The following SYCP2 variants were observed in gnomAD, a reference collection of about 807,000 sequenced individuals.
SYCP2 encodes synaptonemal complex protein 2.
A neutral mutation model predicts 211.3 loss-of-function variants in SYCP2; 55 were observed. That is an observed-to-expected ratio of 0.26 (90% confidence interval 0.21 to 0.33). The LOEUF (loss-of-function observed/expected upper bound fraction) is 0.33, where lower values mean the gene tolerates loss of function less well. Ranked by LOEUF, SYCP2 falls within the 10% of genes least tolerant of loss-of-function variation. The pLI, the probability that SYCP2 is intolerant of heterozygous loss-of-function variation, is 1.00. For synonymous variants in SYCP2, 570 were observed against 555.2 expected, an observed-to-expected ratio of 1.03 and a Z score of -0.37; for missense variants, 1,731 against 1,752.0, an observed-to-expected ratio of 0.99 and a Z score of 0.21.
At chr20:59,886,395 AT>A (rs1424558139) in intron 25 of SYCP2, among the ~76,000 whole-genome samples, 3 of 152,086 alleles carry the variant, frequency 2.0e-5, no homozygotes, top group Admixed American at 6.6e-5. Flanking sequence ...ATGTATTTAA[AT>A]ATATTTATTC....
chr20:59,917,037 C>CA (rs2060456040), intron 7 of SYCP2, among the ~76,000 whole-genome samples: 1 of 151,968 alleles, frequency 6.6e-6, no homozygotes, highest in African/African-American at 2.4e-5. Flanking sequence ...CTTGGCCTTG[C>CA]AAAAAACACC....
intron 18 of SYCP2, 120 bp downstream of exon 18, chr20:59,900,018 G>A: frequency 9.1e-7 from 1 of 1,098,112 alleles, no homozygotes; most frequent in Admixed American, 2.0e-5. Context: ...GAAACACTCT[G>A]AAATGTGATT....
In SYCP2 at chr20:59,901,667, G is replaced by A; in HGVS notation, c.1177C>T (p.His393Tyr). ...TATTAAGTTTAAAGACTTACCCTATGTTTAGTTGCACCAAAAATTTTTTGA... is the reference window on the plus strand; with the variant it reads ...TATTAAGTTTAAAGACTTACCCTATATTTAGTTGCACCAAAAATTTTTTGA... ...VTQKIFGATK[H>Y]RESIRKQGIS... The change falls in exon 16 of 45, where the codon CAT (histidine) becomes TAT (tyrosine). Residue 393 changes from histidine (H) to tyrosine (Y), a missense_variant. By Grantham distance (83) the His-to-Tyr change is moderately conservative (BLOSUM62 2). Coordinates refer to ENST00000357552, the MANE Select transcript of SYCP2 (RefSeq NM_014258.4). 6.5e-7 allele frequency: 1 copy of A among 1,543,632 alleles called. No homozygotes were observed. The highest frequency in any genetic ancestry group is 1.2e-5 in the South Asian group (1 of 83,958).
chr20:59,893,482 T>C (rs1159218891), intron 21 of SYCP2, 42 bp downstream of exon 21: 2 of 1,330,766 alleles, frequency 1.5e-6, no homozygotes, highest in East Asian at 2.4e-5. Context: ...AGTATATACA[T>C]TTTCTTAAAA....
chr20:59,906,946 ATAT>A (rs1458738691), intron 15 of SYCP2, among the ~76,000 whole-genome samples: 3 of 152,124 alleles, frequency 2.0e-5, no homozygotes, highest in Non-Finnish European at 4.4e-5. Flanking sequence ...AAAACATGAG[ATAT>A]TATTACATGT....
intron 44 of SYCP2, 133 bp from the exon 45 acceptor site, chr20:59,864,521 G>A (rs1220446436): frequency 3.2e-6 from 2 of 620,764 alleles, no homozygotes; most frequent in Non-Finnish European, 5.6e-6. Context: ...TGAAGATATT[G>A]CATTCTAACA....
chr20:59,866,824 A>G (rs778902125), intron 39 of SYCP2, among the ~76,000 whole-genome samples: 2 of 151,296 alleles, frequency 1.3e-5, no homozygotes, highest in African/African-American at 2.4e-5. Context: ...AATTGTTTTC[A>G]TAAGAACCCC....
At chr20:59,884,257 G>A (rs1052858517) in intron 26 of SYCP2, among the ~76,000 whole-genome samples, 1 of 151,932 alleles carries the variant, frequency 6.6e-6, no homozygotes, top group Non-Finnish European at 1.5e-5. Context: ...TAAGGTTTAT[G>A]TAAAATCTCA....
At chr20:59,929,218 T>C (rs2145911762) in intron 2 of SYCP2, among the ~76,000 whole-genome samples, 1 of 152,114 alleles carries the variant, frequency 6.6e-6, no homozygotes, top group East Asian at 1.9e-4. Context: ...CTCTCCACCA[T>C]CCACCATATT....
In SYCP2 at chr20:59,877,413, T is replaced by C. The variant is rs752598305; in HGVS notation, c.3122A>G (p.His1041Arg). 6.3e-7 allele frequency: 1 copy of C among 1,591,206 alleles called. No homozygotes were observed. The highest frequency in any genetic ancestry group is 8.5e-7 in the Non-Finnish European group (1 of 1,173,996). Residue 1041 changes from histidine to arginine, a missense_variant, in exon 33 of 45, where the codon CAT (histidine) becomes CGT (arginine). This residue lies in a region of SYCP2 where 1,387 missense variants were observed against 1,351.3 expected (regional missense o/e 1.03). Transcript: ENST00000357552. ...TACTGGTATGTTCTCTTTAAATGAATGTGAAAATTCTTGTTCACACTCTGA... is the reference window on the plus strand; with the variant it reads ...TACTGGTATGTTCTCTTTAAATGAACGTGAAAATTCTTGTTCACACTCTGA... ...SESECEQEFS[H>R]SFKENIPVKE...
At chr20:59,885,033 G>A (rs1031307589) in intron 26 of SYCP2, 4 of 151,924 alleles carry the variant, frequency 2.6e-5, no homozygotes, top group Non-Finnish European at 5.9e-5. Flanking sequence ...GAGGGTGAGA[G>A]AGCCTACTGA....
At chr20:59,925,277 A>G in intron 2 of SYCP2, among the ~76,000 whole-genome samples, 1 of 152,022 alleles carries the variant, frequency 6.6e-6, no homozygotes, top group Non-Finnish European at 1.5e-5. Flanking sequence ...TAATACTTAC[A>G]GGTTGATAGG....
At chr20:59,925,622 A>G (rs1328980502) in intron 2 of SYCP2, among the ~76,000 whole-genome samples, 2 of 151,958 alleles carry the variant, frequency 1.3e-5, no homozygotes, top group African/African-American at 4.8e-5. Flanking sequence ...ATAGCCTCTG[A>G]CCTTCCACCT....
chr20:59,880,153 CA>C, intron 31 of SYCP2, 149 bp downstream of exon 31: 1 of 618,722 alleles, frequency 1.6e-6, no homozygotes, highest in Non-Finnish European at 2.7e-6. Context: ...TAAAATAAAA[CA>C]AAAAACATAA....
intron 16 of SYCP2, 49 bp downstream of exon 16, chr20:59,901,610 CTGT>C: frequency 8.8e-7 from 1 of 1,133,012 alleles, no homozygotes; most frequent in Non-Finnish European, 1.2e-6. Context: ...TAACGCCAAA[CTGT>C]TTCCAGAATT....
chr20:59,928,141 A>C (rs927788886), intron 2 of SYCP2, among the ~76,000 whole-genome samples: 7 of 152,196 alleles, frequency 4.6e-5, no homozygotes, highest in Non-Finnish European at 8.8e-5. Flanking sequence ...TTCTTTTCCT[A>C]CTCTGTCAGA....
chr20:59,933,226 G>T (rs1239060808), intron 1 of SYCP2: 1 of 151,932 alleles, frequency 6.6e-6, no homozygotes, highest in Admixed American at 6.6e-5. Context: ...CCGCGCCTCA[G>T]CCACCTTGAC....
chr20:59,877,004 A>G (rs924902292), intron 33 of SYCP2, among the ~76,000 whole-genome samples: 4 of 152,176 alleles, frequency 2.6e-5, no homozygotes, highest in Non-Finnish European at 5.9e-5. Context: ...GAAGTCAGGG[A>G]TGGTGACAGG....
Position 59,867,946 on chromosome 20 carries a change from C to A in SYCP2, c.3989-99G>T, listed in dbSNP as rs1327469. ...ACAAAATCTATCTTATTTTCCGAAT[C>A]TATGTGTAACCTAAGGATTATGAAA... On this transcript the variant is annotated intron_variant, in intron 38 of 44. Transcript: ENST00000357552. 0.032 allele frequency: 26,358 copies of A among 811,978 alleles called. 3,250 individuals carry two copies. In the African/African-American group the frequency reaches 0.33, roughly 10 times the overall value. 50.3% of individuals were successfully genotyped at this position (811,978 alleles called of 1,614,324 possible). A position where few individuals can be genotyped will look rare whatever the true frequency, so the allele number is the denominator to read the frequency against.
Sources: allele counts gnomAD v4.1 joint callset (sites outside exome capture counted in the v4.1 genomes callset), GRCh38; gene constraint gnomAD v4.1.1; regional missense constraint gnomAD v4.1.1; transcripts MANE v1.5; gene names NCBI Gene and HGNC (gene_info 2026-07-23, HGNC 2026-07-21).